Variants in PCSK5 observed in about 807,000 individuals in gnomAD.
PCSK5 encodes the protein proprotein convertase subtilisin/kexin type 5, also known as prohormone convertase 5.
In PCSK5, 129 loss-of-function variants were observed where a neutral mutation model predicts 233.2. The observed-to-expected ratio is 0.55, with a 90% CI of 0.48 to 0.64. The LOEUF is 0.64. Ranked by LOEUF, PCSK5 falls within the 30% of genes least tolerant of loss-of-function variation. The probability of loss-of-function intolerance (pLI) is 0.00; values close to 1 mark genes in which losing one functional copy is unlikely to be tolerated. For synonymous variants in PCSK5, 825 were observed against 879.2 expected, an observed-to-expected ratio of 0.94 and a Z score of 1.09; for missense variants, 2,076 against 2,430.1, an observed-to-expected ratio of 0.85 and a Z score of 3.06.
chr9:76,180,034 C>A (rs1823780034), intron 15 of PCSK5, among the ~76,000 whole-genome samples: 1 of 142,414 alleles, frequency 7.0e-6, no homozygotes, highest in Admixed American at 7.0e-5. Flanking sequence ...CAAGTAAAAA[C>A]TGCATGTATT....
intron 24 of PCSK5, among the ~76,000 whole-genome samples, chr9:76,243,336 T>C (rs1826486961): frequency 6.6e-6 from 1 of 152,152 alleles, no homozygotes; most frequent in South Asian, 2.1e-4. Flanking sequence ...GATAGCAGGA[T>C]CTGTCCCAAG....
chr9:76,134,745 A>G (rs1179695368), intron 10 of PCSK5, among the ~76,000 whole-genome samples: 3 of 152,100 alleles, frequency 2.0e-5, no homozygotes, highest in African/African-American at 7.2e-5. Context: ...ATGAAGCTTT[A>G]TAATGTCCAG....
chr9:76,316,343 G>A (rs146274479), intron 30 of PCSK5, among the ~76,000 whole-genome samples: 1 of 152,090 alleles, frequency 6.6e-6, no homozygotes. Context: ...AGGTTTTGAG[G>A]TTAGCCGAAG....
At chr9:76,134,014 C>T in intron 9 of PCSK5, 95 bp from the exon 10 acceptor site, 1 of 803,450 alleles carries the variant, frequency 1.2e-6, no homozygotes, top group Admixed American at 2.5e-5. Flanking sequence ...AGTACTTTGC[C>T]ATTTTGATTT....
At chr9:76,175,192 T>C in intron 14 of PCSK5, 63 bp downstream of exon 14, 1 of 1,400,790 alleles carries the variant, frequency 7.1e-7, no homozygotes, top group African/African-American at 2.1e-5. Context: ...TCCCACCACA[T>C]GGGAGAACAG....
At chr9:76,071,694 G>A (rs1830486736) in intron 6 of PCSK5, 32 bp from the exon 7 acceptor site, 2 of 1,586,204 alleles carry the variant, frequency 1.3e-6, no homozygotes, top group Non-Finnish European at 1.7e-6. Flanking sequence ...GGGAAGCCCT[G>A]TAATGAGCTA....
rs764123312 is a variant in PCSK5, at chr9:76,181,435, G to A, written c.2041G>A (p.Ala681Thr). The A allele has an allele frequency of 6.2e-6, 10 of 1,613,928 alleles. No individual in the cohort carries two copies. Among genetic ancestry groups the A allele is most frequent in the African/African-American group, 2.7e-5 (2 of 75,030 alleles). Reference sequence around the variant, plus strand: ...CAGCTGCCCCCCTGGCCACTACCACGCCGACAAGAAGCGCTGCAGGAAGTG... The same window carrying A: ...CAGCTGCCCCCCTGGCCACTACCACACCGACAAGAAGCGCTGCAGGAAGTG... ...VSSCPPGHYH[A>T]DKKRCRKCAP... The change falls in exon 16 of 38, where the codon GCC (alanine) becomes ACC (threonine). Residue 681 changes from alanine (A) to threonine (T), a missense_variant. By Grantham distance (58) the Ala-to-Thr change is moderately conservative. This residue lies in a region of PCSK5 where 1,510 missense variants were observed against 1,538.1 expected (regional missense o/e 0.98). Coordinates refer to ENST00000674117, the MANE Select transcript of PCSK5 (RefSeq NM_001372043.1).
chr9:76,229,859 C>T lies in PCSK5; in HGVS notation c.2729+2254C>T, dbSNP rs73460379. ...CACTGCATTCTCCCTTTCTTTCAGC[C>T]CTGTTTGGTCTGGAATGGTTCACTT... On this transcript the variant is annotated intron_variant, in intron 21 of 37. Transcript: ENST00000674117. Among the ~76,000 whole-genome samples, 1,212 of 152,238 alleles carry T rather than the reference C, an allele frequency of 8.0e-3. 15 individuals are homozygous for T. Among genetic ancestry groups the T allele is most frequent in the African/African-American group, 0.028 (1,179 of 41,544 alleles).
chr9:76,047,713 G>A (rs2131549577), intron 5 of PCSK5, among the ~76,000 whole-genome samples: 1 of 152,288 alleles, frequency 6.6e-6, no homozygotes, highest in East Asian at 1.9e-4. Flanking sequence ...AATGGGCGTT[G>A]TGAGGAGAAA....
chr9:75,941,559 C>A (rs1824305680), intron 2 of PCSK5, among the ~76,000 whole-genome samples: 2 of 152,230 alleles, frequency 1.3e-5, no homozygotes, highest in South Asian at 4.2e-4. Flanking sequence ...CTTAGGACAG[C>A]TCTCTCGTTT....
At chr9:76,126,766 G>A (rs10869702) in intron 9 of PCSK5, among the ~76,000 whole-genome samples, 71,423 of 151,860 alleles carry the variant, frequency 0.47, 17,198 homozygotes, top group Admixed American at 0.52. Context: ...GTGGGATGAT[G>A]GACAATGGAG....
At chr9:76,278,393 G>C (rs746288722) in intron 24 of PCSK5, among the ~76,000 whole-genome samples, 1 of 152,130 alleles carries the variant, frequency 6.6e-6, no homozygotes, top group Non-Finnish European at 1.5e-5. Context: ...TGAGAAAATA[G>C]GAGTGGGCAG....
At chr9:75,951,730 A>C (rs1824866459) in intron 2 of PCSK5, among the ~76,000 whole-genome samples, 1 of 152,104 alleles carries the variant, frequency 6.6e-6, no homozygotes, top group Admixed American at 6.6e-5. Context: ...AGTAAAAATA[A>C]TACAATAAAA....
chr9:76,048,761 C>T (rs1192149081), intron 5 of PCSK5, among the ~76,000 whole-genome samples: 1 of 152,278 alleles, frequency 6.6e-6, no homozygotes, highest in East Asian at 1.9e-4. Context: ...ATAAGTGATC[C>T]TTACAACTTT....
intron 2 of PCSK5, among the ~76,000 whole-genome samples, chr9:75,971,880 T>C (rs1344256919): frequency 6.6e-6 from 1 of 152,190 alleles, no homozygotes; most frequent in African/African-American, 2.4e-5. Context: ...AGGTTGCCTG[T>C]TTACTCTGAT....
chr9:76,141,293 C>A (rs1385298448), intron 10 of PCSK5, among the ~76,000 whole-genome samples: 2 of 151,972 alleles, frequency 1.3e-5, no homozygotes, highest in African/African-American at 2.4e-5. Flanking sequence ...TTTTTACAGC[C>A]TATTTTAAAA....
chr9:75,969,791 G>C (rs1253654247), intron 2 of PCSK5, among the ~76,000 whole-genome samples: 1 of 151,982 alleles, frequency 6.6e-6, no homozygotes, highest in Non-Finnish European at 1.5e-5. Context: ...TCCATACAGA[G>C]GTTAACTTGC....
chr9:75,949,470 C>T lies in PCSK5; in HGVS notation c.297+16987C>T, dbSNP rs898820967. 2.6e-5 allele frequency among the ~76,000 whole-genome samples: 4 copies of T among 151,902 alleles called. No individual in the cohort carries two copies. In the South Asian group the frequency reaches 8.3e-4, roughly 32 times the overall value. On this transcript the variant is annotated intron_variant, in intron 2 of 37. Coordinates refer to ENST00000674117, the MANE Select transcript of PCSK5 (RefSeq NM_001372043.1). ...CATAAAGGAACATGGATTGTGTAAC[C>T]ATTGTTTATTTTGCCAATATTTATG...
At chr9:76,069,996 ATTTTTTTTT>A in intron 6 of PCSK5, among the ~76,000 whole-genome samples, 1 of 122,566 alleles carries the variant, frequency 8.2e-6, no homozygotes, top group South Asian at 2.8e-4. Flanking sequence ...TTCCATTCCA[ATTTTTTTTT>A]TTTTTTTTTT....
Sources: gnomAD v4.1 joint callset for allele counts (sites outside exome capture counted in the v4.1 genomes callset) on GRCh38, gnomAD v4.1.1 for gene constraint, gnomAD v4.1.1 regional missense constraint, MANE v1.5 for transcripts, NCBI Gene and HGNC (gene_info 2026-07-23, HGNC 2026-07-21) for gene names.